INTS6L: variants seen among roughly 807,000 people sequenced by gnomAD.
The protein encoded by INTS6L is integrator complex subunit 6 like.
Under a neutral mutation model 64.7 loss-of-function variants are expected in INTS6L, and 18 were observed. The ratio of observed to expected loss-of-function variants is 0.28; its 90% confidence interval spans 0.19 to 0.41. INTS6L has a LOEUF of 0.41. Ranked by LOEUF, INTS6L falls within the 10% of genes least tolerant of loss-of-function variation. INTS6L has a pLI of 1.00. For synonymous variants in INTS6L, 227 were observed against 235.9 expected (o/e 0.96, Z 0.34); for missense variants, 533 against 661.0 (o/e 0.81, Z 2.12).
chrX:135,529,957 C>T lies in INTS6L; in HGVS notation c.189+8639C>T, dbSNP rs1177499067. The stretch of plus-strand genomic sequence containing the variant: ...ACCAGGGCCCAGAGAGGTTAAGTAA[C>T]ACAGCCAGTAGTAACCTAGGTCTGT... On this transcript the variant is annotated intron_variant, in intron 2 of 17. Transcript: ENST00000639893. Among the ~76,000 whole-genome samples, 5 of 111,771 alleles carry T rather than the reference C, an allele frequency of 4.5e-5. No individual in the cohort carries two copies. In the East Asian group the frequency reaches 1.4e-3, roughly 32 times the overall value.
chrX:135,545,202 G>A (rs782077142), intron 2 of INTS6L, among the ~76,000 whole-genome samples: 3 of 112,114 alleles, frequency 2.7e-5, no homozygotes, highest in Non-Finnish European at 5.6e-5. Flanking sequence ...CATAATGGAC[G>A]AAGTATTTTT....
At chrX:135,564,894 G>A (rs2086900135) in intron 9 of INTS6L, among the ~76,000 whole-genome samples, 1 of 111,444 alleles carries the variant, frequency 9.0e-6, no homozygotes, top group Non-Finnish European at 1.9e-5. Context: ...ACTGGGAGGT[G>A]CTGCCTCATT....
intron 2 of INTS6L, among the ~76,000 whole-genome samples, chrX:135,526,107 T>C (rs1266227145): frequency 3.6e-5 from 4 of 111,700 alleles, no homozygotes; most frequent in African/African-American, 1.3e-4. Flanking sequence ...CCCCAACCTC[T>C]CTCGTATCCA....
intron 2 of INTS6L, among the ~76,000 whole-genome samples, chrX:135,544,977 G>A (rs782376087): frequency 1.8e-5 from 2 of 111,974 alleles, no homozygotes; most frequent in South Asian, 7.5e-4. Context: ...ATATTGCTTC[G>A]GTGGAAGAAT....
At position 135,574,082 on chromosome X, in the gene INTS6L, C is replaced by CTT. The variant is rs781864864; in HGVS notation, c.1741+34_1741+35dup. 3.4e-4 allele frequency: 350 copies of CTT among 1,036,464 alleles called. No individual in the cohort carries two copies. Among genetic ancestry groups the CTT allele is most frequent in the African/African-American group, 1.0e-3 (48 of 48,201 alleles). 85.4% of individuals were successfully genotyped at this position (1,036,464 alleles called of 1,213,427 possible). On this transcript the variant is annotated intron_variant, in intron 13 of 17. Coordinates refer to ENST00000639893, the MANE Select transcript of INTS6L (RefSeq NM_001351601.3). ...ATGAAGGTAAAATAACTGTGAAATA[C>CTT]TTTTTTTTTTTTTTTGGAAAATGCC...
intron 7 of INTS6L, among the ~76,000 whole-genome samples, chrX:135,551,689 A>G (rs1315831242): frequency 8.9e-6 from 1 of 111,993 alleles, no homozygotes; most frequent in Non-Finnish European, 1.9e-5. Flanking sequence ...TCATCCTACA[A>G]TCATAAGCAC....
At chrX:135,569,894 G>A (rs369198576) in intron 10 of INTS6L, 2 of 113,232 alleles carry the variant, frequency 1.8e-5, no homozygotes, top group East Asian at 2.8e-4. Context: ...GGTGAGAGGC[G>A]GAATCCAAAA....
At position 135,546,408 on chromosome X, in the gene INTS6L, C is replaced by A. The variant is rs1556515066; in HGVS notation, c.368C>A (p.Ser123Tyr). 1.7e-6 allele frequency: 2 copies of A among 1,167,690 alleles called. No individual in the cohort carries two copies. The highest frequency in any genetic ancestry group is 2.3e-6 in the Non-Finnish European group (2 of 877,446). The stretch of plus-strand genomic sequence containing the variant: ...AGAAATCCATTTTTTTTAGAACCAT[C>A]TATTTTAATTACCATCACAGATGGA... ...QGRNPFFLEPSILITITDGNK... is the reference protein window; with the variant it reads ...QGRNPFFLEPYILITITDGNK... Residue 123 changes from serine (S) to tyrosine (Y), a missense_variant, in exon 4 of 18, where the codon TCT becomes TAT. Ser to Tyr is a moderately radical substitution (Grantham distance 144, BLOSUM62 -2). Coordinates refer to ENST00000639893, the MANE Select transcript of INTS6L (RefSeq NM_001351601.3).
chrX:135,578,603 A>G (rs1267602226), intron 15 of INTS6L, among the ~76,000 whole-genome samples: 1 of 111,505 alleles, frequency 9.0e-6, no homozygotes, highest in Non-Finnish European at 1.9e-5. Flanking sequence ...CTTCAGCACT[A>G]TTTACCCAGC....
chrX:135,556,105 T>A, intron 8 of INTS6L, 63 bp from the exon 9 acceptor site: 1 of 1,057,034 alleles, frequency 9.5e-7, no homozygotes, highest in Non-Finnish European at 1.2e-6. Flanking sequence ...AATGTTACAA[T>A]GGGTTTGGTT....
intron 2 of INTS6L, among the ~76,000 whole-genome samples, chrX:135,538,794 A>G (rs2086121202): frequency 8.9e-6 from 1 of 112,577 alleles, no homozygotes; most frequent in South Asian, 3.7e-4. Context: ...AGGCATGACA[A>G]CAACATTGAT....
At chrX:135,529,240 C>T (rs1254248596) in intron 2 of INTS6L, among the ~76,000 whole-genome samples, 1 of 112,128 alleles carries the variant, frequency 8.9e-6, no homozygotes, top group African/African-American at 3.2e-5. Context: ...CCCAAGAATT[C>T]TCAGGAGCAG....
chrX:135,524,661 T>C (rs1261455182), intron 2 of INTS6L, among the ~76,000 whole-genome samples: 2 of 111,632 alleles, frequency 1.8e-5, no homozygotes, highest in Non-Finnish European at 3.8e-5. Flanking sequence ...ATGCAACTCT[T>C]CCCAGTATAT....
At chrX:135,535,075 T>C (rs1347188810) in intron 2 of INTS6L, among the ~76,000 whole-genome samples, 4 of 111,084 alleles carry the variant, frequency 3.6e-5, no homozygotes, top group African/African-American at 1.3e-4. Context: ...TTGAGTAAAG[T>C]GAGAAAAGCA....
Position 135,520,715 on chromosome X carries a change from C to T in INTS6L, c.-278C>T. On this transcript the variant is annotated 5_prime_UTR_variant, in exon 1 of 18. Transcript: ENST00000639893. ...ACGGATGCTTAGGCAGTAGTCCTGG[C>T]AGCGGCAGTAGTGGTGGCAGCAGAA... 1 of 339,937 alleles carries T rather than the reference C, an allele frequency of 2.9e-6. No homozygotes were observed. Among genetic ancestry groups the T allele is most frequent in the South Asian group, 6.2e-5 (1 of 16,004 alleles). The allele number at this position is 339,937 out of a possible 1,213,427, so 28.0% of individuals were successfully genotyped here.
chrX:135,555,090 T>C (rs1309688614), intron 8 of INTS6L, among the ~76,000 whole-genome samples: 1 of 109,782 alleles, frequency 9.1e-6, no homozygotes, highest in Non-Finnish European at 1.9e-5. Context: ...GGTTTCACCA[T>C]GTTGGCCAGG....
chrX:135,568,767 A>G (rs781958910), intron 9 of INTS6L, among the ~76,000 whole-genome samples: 2 of 110,386 alleles, frequency 1.8e-5, no homozygotes, highest in Non-Finnish European at 3.8e-5. Flanking sequence ...GCTGGTCTCA[A>G]ACTTCTGGGC....
chrX:135,576,450 C>T lies in INTS6L; in HGVS notation c.1885-743C>T, dbSNP rs1376359821. Among the ~76,000 whole-genome samples, 27 of 111,598 alleles carry T rather than the reference C, an allele frequency of 2.4e-4. No individual in the cohort carries two copies. In the Admixed American group the frequency reaches 2.6e-3, roughly 11 times the overall value. The stretch of plus-strand genomic sequence containing the variant: ...AGTAAATTATCTGAAAATGTTTTCC[C>T]CTTTCTGTATTGTTTATGAGTAAAA... On this transcript the variant is annotated intron_variant, in intron 14 of 17. Coordinates refer to ENST00000639893, the MANE Select transcript of INTS6L (RefSeq NM_001351601.3).
At chrX:135,567,163 G>A (rs1310080235) in intron 9 of INTS6L, among the ~76,000 whole-genome samples, 1 of 112,105 alleles carries the variant, frequency 8.9e-6, no homozygotes, top group Non-Finnish European at 1.9e-5. Context: ...AGCTAAGGAT[G>A]TGGCTGAGCT....
Sources: allele counts gnomAD v4.1 joint callset (sites outside exome capture counted in the v4.1 genomes callset), GRCh38; gene constraint gnomAD v4.1.1; transcripts MANE v1.5; gene names NCBI Gene and HGNC (gene_info 2026-07-23, HGNC 2026-07-21).